Variants in UBE2V1 observed in about 807,000 individuals in gnomAD.
UBE2V1 encodes the protein ubiquitin-conjugating enzyme E2 variant 1.
A neutral mutation model predicts 19.6 loss-of-function variants in UBE2V1; 15 were observed. That is an observed-to-expected ratio of 0.77 (90% confidence interval 0.51 to 1.18). The LOEUF (loss-of-function observed/expected upper bound fraction) is 1.18, where lower values mean the gene tolerates loss of function less well. UBE2V1 is among the 50% of genes most tolerant of loss of function. UBE2V1 has a pLI of 0.00. For missense variants in UBE2V1, 125 were observed against 184.8 expected (o/e 0.68, Z 1.88); for synonymous variants, 60 against 60.7 (o/e 0.99, Z 0.05).
chr20:50,111,418 C>G (rs1030782872), intron 1 of UBE2V1: 2 of 1,000,244 alleles, frequency 2.0e-6, no homozygotes, highest in African/African-American at 3.5e-5. Flanking sequence ...CACCAGCACA[C>G]TGGGCCCCTT....
chr20:50,094,238 A>ATAT (rs1460768337), intron 2 of UBE2V1, among the ~76,000 whole-genome samples: 1 of 137,768 alleles, frequency 7.3e-6, no homozygotes, highest in Non-Finnish European at 1.5e-5. Context: ...TATAATATAT[A>ATAT]ATGCATTATA....
chr20:50,106,109 T>TAA (rs966222182), intron 1 of UBE2V1, among the ~76,000 whole-genome samples: 3 of 146,100 alleles, frequency 2.1e-5, no homozygotes, highest in African/African-American at 2.5e-5. Flanking sequence ...ATGAAAATGC[T>TAA]AAAAAAAAAA....
rs746515030 is a variant in UBE2V1, at chr20:50,098,516, C to T, written c.23-1696G>A. ...ATAGCAGGAAAGTAGTGAGGAGTGG[C>T]GTAATTCTAGGCATTTCAGAGGTCT... On this transcript the variant is annotated intron_variant, in intron 1 of 3. Coordinates refer to ENST00000371674, the MANE Select transcript of UBE2V1 (RefSeq NM_001032288.3). Among the ~76,000 whole-genome samples, 72 of 152,094 alleles carry T rather than the reference C, an allele frequency of 4.7e-4. 1 individual carries two copies. Among genetic ancestry groups the T allele is most frequent in the Admixed American group, 4.0e-3 (61 of 15,260 alleles).
intron 1 of UBE2V1, among the ~76,000 whole-genome samples, chr20:50,099,796 T>G (rs2147113616): frequency 6.6e-6 from 1 of 152,338 alleles, no homozygotes; most frequent in South Asian, 2.1e-4. Context: ...TGGACAATGA[T>G]TTTAATGTTA....
intron 3 of UBE2V1, 117 bp downstream of exon 3, chr20:50,084,012 G>A (rs1568965449): frequency 2.0e-6 from 3 of 1,475,082 alleles, no homozygotes; most frequent in Admixed American, 2.3e-5. Flanking sequence ...CAGTGATACA[G>A]TTTATCAACA....
chr20:50,096,960 C>T, intron 1 of UBE2V1, 140 bp from the exon 2 acceptor site: 1 of 1,372,490 alleles, frequency 7.3e-7, no homozygotes, highest in Non-Finnish European at 9.8e-7. Flanking sequence ...ACACCTCAAA[C>T]TTGCTACTTA....
At position 50,113,087 on chromosome 20, in the gene UBE2V1, G is replaced by GGCCCGGCGCCCCCGCTCACCCGA; in HGVS notation, c.19_22+19dup. ...AAGCCCATGCCCCCTCGGCCGGCCG[G>GGCCCGGCGCCCCCGCTCACCCGA]GCCCGGCGCCCCCGCTCACCCGAGC... is the stretch of plus-strand genomic sequence containing the variant. On this transcript the variant is annotated intron_variant, in intron 1 of 3. Coordinates refer to ENST00000371674, the MANE Select transcript of UBE2V1 (RefSeq NM_001032288.3). 3 of 1,229,078 alleles carry GGCCCGGCGCCCCCGCTCACCCGA rather than the reference G, an allele frequency of 2.4e-6. No individual in the cohort carries two copies. Among genetic ancestry groups the GGCCCGGCGCCCCCGCTCACCCGA allele is most frequent in the Non-Finnish European group, 3.2e-6 (3 of 937,144 alleles). 76.1% of individuals were successfully genotyped at this position (1,229,078 alleles called of 1,614,324 possible).
At chr20:50,084,714 GA>G in intron 2 of UBE2V1, 2 of 374,076 alleles carry the variant, frequency 5.3e-6, no homozygotes, top group Non-Finnish European at 1.1e-5. Flanking sequence ...CAAGACGAGG[GA>G]GGGGTGCAGA....
chr20:50,096,089 C>G (rs1318561920), intron 2 of UBE2V1: 1 of 152,766 alleles, frequency 6.5e-6, no homozygotes, highest in Non-Finnish European at 1.5e-5. Flanking sequence ...ATTATGAAGA[C>G]TGGGAACTCT....
At position 50,104,395 on chromosome 20, in the gene UBE2V1, C is replaced by T. The variant is rs189718718; in HGVS notation, c.23-7575G>A. 6.7e-3 allele frequency: 6,606 copies of T among 981,750 alleles called. 29 individuals carry two copies. The highest frequency in any genetic ancestry group is 7.6e-3 in the Non-Finnish European group (6,250 of 827,712). The allele number at this position is 981,750 out of a possible 1,614,324, so 60.8% of individuals were successfully genotyped here. On this transcript the variant is annotated intron_variant, in intron 1 of 3. Coordinates refer to ENST00000371674, the MANE Select transcript of UBE2V1 (RefSeq NM_001032288.3). ...ATACCTGGCTGGGCGCGGTGGCTCA[C>T]GCCTATAATCCCAGCACTTTGGGAG... is the stretch of plus-strand genomic sequence containing the variant.
chr20:50,103,746 G>A (rs1462860064), intron 1 of UBE2V1, among the ~76,000 whole-genome samples: 1 of 152,124 alleles, frequency 6.6e-6, no homozygotes, highest in Non-Finnish European at 1.5e-5. Flanking sequence ...TTAATTAGAA[G>A]CCAGGCAGTC....
Position 50,096,750 on chromosome 20 carries a change from G to A in UBE2V1, c.93C>T (p.Gly31=). The change falls in exon 2 of 4, where the codon GGC becomes GGT. Residue 31 remains glycine, a synonymous_variant. Coordinates refer to ENST00000371674, the MANE Select transcript of UBE2V1 (RefSeq NM_001032288.3). The stretch of plus-strand genomic sequence containing the variant: ...CATCTTCTAGACCCCAGCTAACTGT[G>A]CCATCTCCTACTCCTTTCTGGCCTT... The part of the protein sequence containing the change: ...LEEGQKGVGD[G]TVSWGLEDDE... The A allele has an allele frequency of 2.5e-6, 4 of 1,614,146 alleles. No homozygotes were observed. Among genetic ancestry groups the A allele is most frequent in the Non-Finnish European group, 3.4e-6 (4 of 1,180,022 alleles).
Position 50,084,157 on chromosome 20 carries a change from A to G in UBE2V1, c.269T>C (p.Met90Thr). ...TCCATTAGAACTATTTACTCCATTC[A>G]TATTAATTTTTGTTACAAATCTTAC... is the stretch of plus-strand genomic sequence containing the variant. ...PFVRFVTKIN[M>T]NGVNSSNGVV... Residue 90 changes from methionine (M) to threonine (T), a missense_variant, in exon 3 of 4, where the codon ATG becomes ACG. Transcript: ENST00000371674. 1 of 1,606,416 alleles carries G rather than the reference A, an allele frequency of 6.2e-7. No individual in the cohort carries two copies. Among genetic ancestry groups the G allele is most frequent in the Non-Finnish European group, 8.5e-7 (1 of 1,177,440 alleles).
intron 2 of UBE2V1, among the ~76,000 whole-genome samples, chr20:50,091,840 C>T (rs1053790200): frequency 6.6e-6 from 1 of 152,292 alleles, no homozygotes; most frequent in South Asian, 2.1e-4. Flanking sequence ...CGTTTGCATA[C>T]CCACAGCAAA....
chr20:50,113,076 T>C, intron 1 of UBE2V1, 31 bp downstream of exon 1: 1 of 1,086,666 alleles, frequency 9.2e-7, no homozygotes, highest in African/African-American at 1.7e-5. Flanking sequence ...CCATGCCCCC[T>C]CGGCCGGCCG....
chr20:50,082,511 G>C lies in UBE2V1; in HGVS notation c.*257C>G. Reference sequence around the variant, plus strand: ...GGAATCAATTTAAATAGACTTTCTTGATCCCAGAAGTTCAACTACGTGGAC... The same window carrying C: ...GGAATCAATTTAAATAGACTTTCTTCATCCCAGAAGTTCAACTACGTGGAC... On this transcript the variant is annotated 3_prime_UTR_variant, in exon 4 of 4. Transcript: ENST00000371674. 1 of 503,592 alleles carries C rather than the reference G, an allele frequency of 2.0e-6. No individual in the cohort carries two copies. Among genetic ancestry groups the C allele is most frequent in the Non-Finnish European group, 3.2e-6 (1 of 309,918 alleles). 31.2% of individuals were successfully genotyped at this position (503,592 alleles called of 1,614,324 possible). A position where few individuals can be genotyped will look rare whatever the true frequency, so the allele number is the denominator to read the frequency against.
chr20:50,093,719 C>T lies in UBE2V1; in HGVS notation c.171+2953G>A, dbSNP rs773043804. On this transcript the variant is annotated intron_variant, in intron 2 of 3. Transcript: ENST00000371674. ...TCAAAAATGTATCTCCGGCAGGGCGCGATGGCTCACACCTGTAATTCCAGC... is the reference window on the plus strand; with the variant it reads ...TCAAAAATGTATCTCCGGCAGGGCGTGATGGCTCACACCTGTAATTCCAGC... Among the ~76,000 whole-genome samples the T allele has an allele frequency of 1.4e-3, 217 of 151,950 alleles. 1 individual carries two copies. Among genetic ancestry groups the T allele is most frequent in the African/African-American group, 5.0e-3 (206 of 41,446 alleles).
At chr20:50,112,603 A>T (rs1418692176) in intron 1 of UBE2V1, among the ~76,000 whole-genome samples, 1 of 152,050 alleles carries the variant, frequency 6.6e-6, no homozygotes, top group Non-Finnish European at 1.5e-5. Context: ...CCGATAGGGG[A>T]TCCTCTCAAG....
At chr20:50,094,264 T>C (rs1408913011) in intron 2 of UBE2V1, among the ~76,000 whole-genome samples, 1 of 142,596 alleles carries the variant, frequency 7.0e-6, no homozygotes, top group East Asian at 2.0e-4. Flanking sequence ...TATAATGCAT[T>C]ATATAATATA....
Sources: gnomAD v4.1 joint callset for allele counts (sites outside exome capture counted in the v4.1 genomes callset) on GRCh38, gnomAD v4.1.1 for gene constraint, MANE v1.5 for transcripts, NCBI Gene and HGNC (gene_info 2026-07-23, HGNC 2026-07-21) for gene names.